The following UBP1 variants were observed in gnomAD, a reference collection of about 807,000 sequenced individuals.
The protein encoded by UBP1 is upstream-binding protein 1.
UBP1 carries 22 observed loss-of-function variants against 76.1 expected under a neutral mutation model. That is an observed-to-expected ratio of 0.29 (90% confidence interval 0.21 to 0.41). UBP1 has a LOEUF of 0.41. UBP1 is among the 10% of genes least tolerant of loss of function. UBP1 has a pLI of 1.00. For missense variants in UBP1, 436 were observed against 668.1 expected, an observed-to-expected ratio of 0.65 and a Z score of 3.83; for synonymous variants, 224 against 237.1, an observed-to-expected ratio of 0.94 and a Z score of 0.51.
At chr3:33,393,261 G>T in intron 14 of UBP1, 51 bp downstream of exon 14, 1 of 1,528,454 alleles carries the variant, frequency 6.5e-7, no homozygotes. Flanking sequence ...ACAATTACAT[G>T]TATAAAAGTA....
At chr3:33,436,395 G>C (rs537645596) in intron 1 of UBP1, among the ~76,000 whole-genome samples, 15 of 152,234 alleles carry the variant, frequency 9.9e-5, no homozygotes, top group African/African-American at 3.6e-4. Context: ...TTAGCTCAAA[G>C]CAGTTTTGAT....
chr3:33,407,547 TAAAA>T (rs35830232), intron 8 of UBP1, among the ~76,000 whole-genome samples: 3 of 135,632 alleles, frequency 2.2e-5, no homozygotes, highest in East Asian at 2.1e-4. Flanking sequence ...CGAATTTATT[TAAAA>T]AAAAAAAAAA....
At chr3:33,422,524 G>A (rs1376552556) in intron 2 of UBP1, among the ~76,000 whole-genome samples, 6 of 152,178 alleles carry the variant, frequency 3.9e-5, no homozygotes, top group Admixed American at 6.6e-5. Context: ...GGAGATTAGC[G>A]TGGGCAATGA....
chr3:33,393,702 C>T (rs2043858055), intron 13 of UBP1, among the ~76,000 whole-genome samples: 2 of 152,050 alleles, frequency 1.3e-5, no homozygotes, highest in Non-Finnish European at 2.9e-5. Context: ...TAACAGAAAT[C>T]CCTGGACAAA....
At chr3:33,395,812 C>T (rs1408128608) in intron 13 of UBP1, among the ~76,000 whole-genome samples, 7 of 141,626 alleles carry the variant, frequency 4.9e-5, no homozygotes, top group Non-Finnish European at 1.1e-4. Context: ...TTTTGTTAAG[C>T]TGCCAGTGTT....
intron 13 of UBP1, 46 bp from the exon 14 acceptor site, chr3:33,393,500 T>C (rs201103239): frequency 8.2e-4 from 1,291 of 1,568,308 alleles, no homozygotes; most frequent in Admixed American, 1.1e-3. Flanking sequence ...CAGTAATCTT[T>C]GATCTGTTTT....
At chr3:33,422,328 C>T (rs1286200905) in intron 2 of UBP1, among the ~76,000 whole-genome samples, 1 of 152,014 alleles carries the variant, frequency 6.6e-6, no homozygotes, top group Non-Finnish European at 1.5e-5. Context: ...ACTGCTTGAG[C>T]CCAGGAGTAC....
chr3:33,405,584 C>T (rs12492331), intron 8 of UBP1, among the ~76,000 whole-genome samples: 16,284 of 151,964 alleles, frequency 0.11, 952 homozygotes, highest in Admixed American at 0.16. Flanking sequence ...CCAGCACTTT[C>T]GGAGGCCAAG....
chr3:33,425,889 A>G (rs1338739295), intron 1 of UBP1, 148 bp from the exon 2 acceptor site: 2 of 646,992 alleles, frequency 3.1e-6, no homozygotes, highest in African/African-American at 3.7e-5. Context: ...ATCAGAAATT[A>G]TATGTAGAAT....
Position 33,397,231 on chromosome 3 carries a change from A to C in UBP1, c.1181-96T>G, listed in dbSNP as rs139635094. ...TTCATGCAGTCCAATGTCCTTCAAA[A>C]TAATCAGATATCCTGAATACACACA... On this transcript the variant is annotated intron_variant, in intron 11 of 15. Transcript: ENST00000283629. 13 of 848,364 alleles carry C rather than the reference A, an allele frequency of 1.5e-5. No individual in the cohort carries two copies. In the Admixed American group the frequency reaches 3.7e-4, roughly 24 times the overall value. 52.6% of individuals were successfully genotyped at this position (848,364 alleles called of 1,614,324 possible). A position where few individuals can be genotyped will look rare whatever the true frequency, so the allele number is the denominator to read the frequency against.
chr3:33,434,017 C>T (rs1229912877), intron 1 of UBP1, among the ~76,000 whole-genome samples: 1 of 151,974 alleles, frequency 6.6e-6, no homozygotes, highest in Admixed American at 6.6e-5. Context: ...CCAAAGCAAA[C>T]GTTTAAATGT....
chr3:33,411,348 T>C (rs895269472), intron 5 of UBP1, among the ~76,000 whole-genome samples: 6 of 152,236 alleles, frequency 3.9e-5, no homozygotes, highest in African/African-American at 1.2e-4. Context: ...TTGGGACTAC[T>C]AGTGGTAAAA....
chr3:33,394,963 C>T (rs1263409091), intron 13 of UBP1, among the ~76,000 whole-genome samples: 1 of 151,890 alleles, frequency 6.6e-6, no homozygotes, highest in Non-Finnish European at 1.5e-5. Context: ...GAAATATTTA[C>T]TACCTGACCT....
At position 33,400,202 on chromosome 3, in the gene UBP1, G is replaced by A. The variant is rs1489625308; in HGVS notation, c.1167C>T (p.Phe389=). 1 of 1,591,786 alleles carries A rather than the reference G, an allele frequency of 6.3e-7. No individual in the cohort carries two copies. The highest frequency in any genetic ancestry group is 1.7e-4 in the Middle Eastern group (1 of 6,020). ...ACATACACATACCTGAAAAATTAGA[G>A]AACAGTCTTGTGTAGGAAGAGAATC... ...KNRFSSYTRL[F]SNFSGADLLK... The change falls in exon 11 of 16, where the codon TTC becomes TTT. Residue 389 remains phenylalanine (F), a synonymous_variant. Coordinates refer to ENST00000283629, the MANE Select transcript of UBP1 (RefSeq NM_014517.5).
intron 8 of UBP1, among the ~76,000 whole-genome samples, chr3:33,405,771 T>C (rs1468705501): frequency 6.6e-6 from 1 of 152,154 alleles, no homozygotes; most frequent in Non-Finnish European, 1.5e-5. Flanking sequence ...TAAAAAAATT[T>C]AAAAATTATT....
chr3:33,420,537 G>A (rs1465571072), intron 2 of UBP1, among the ~76,000 whole-genome samples: 3 of 143,808 alleles, frequency 2.1e-5, no homozygotes, highest in Non-Finnish European at 4.5e-5. Flanking sequence ...CCATCAGGCT[G>A]GAGTGCAGTG....
At chr3:33,407,748 G>A (rs1026654872) in intron 8 of UBP1, among the ~76,000 whole-genome samples, 1 of 152,216 alleles carries the variant, frequency 6.6e-6, no homozygotes, top group Non-Finnish European at 1.5e-5. Context: ...ATTGCGATAT[G>A]TGTAAGAATG....
intron 8 of UBP1, among the ~76,000 whole-genome samples, chr3:33,405,438 C>T (rs1486980344): frequency 6.6e-6 from 1 of 152,170 alleles, no homozygotes; most frequent in Non-Finnish European, 1.5e-5. Context: ...CAGAACATTG[C>T]CTCCTTTGCA....
intron 8 of UBP1, among the ~76,000 whole-genome samples, chr3:33,404,656 G>C (rs1467637458): frequency 6.6e-6 from 1 of 151,816 alleles, no homozygotes; most frequent in Non-Finnish European, 1.5e-5. Context: ...TTGAAAAAAA[G>C]GAAAGAAAAA....
Sources: allele counts gnomAD v4.1 joint callset (sites outside exome capture counted in the v4.1 genomes callset), GRCh38; gene constraint gnomAD v4.1.1; transcripts MANE v1.5; gene names NCBI Gene and HGNC (gene_info 2026-07-23, HGNC 2026-07-21).